The following ACAN variants were observed in gnomAD, a reference collection of about 807,000 sequenced individuals.
ACAN encodes aggrecan core protein.
In ACAN, 47 loss-of-function variants were observed where a neutral mutation model predicts 169.1. The observed-to-expected ratio is 0.28, with a 90% CI of 0.22 to 0.35. ACAN has a LOEUF of 0.35. Among genes scored for constraint, ACAN ranks in the 10% least tolerant of loss-of-function variants. ACAN has a pLI of 1.00. For synonymous variants in ACAN, 1,115 were observed against 1,112.2 expected, an observed-to-expected ratio of 1.00 and a Z score of -0.05; for missense variants, 2,716 against 2,759.9, an observed-to-expected ratio of 0.98 and a Z score of 0.36.
chr15:88,841,955 C>A, intron 5 of ACAN, 88 bp downstream of exon 5: 1 of 1,548,096 alleles, frequency 6.5e-7, no homozygotes, highest in Non-Finnish European at 8.8e-7. Context: ...CCTGAGATCA[C>A]ACAGGCTGCC....
chr15:88,835,025 G>A (rs72765681), intron 1 of ACAN, among the ~76,000 whole-genome samples: 2,640 of 152,284 alleles, frequency 0.017, 46 homozygotes, highest in Non-Finnish European at 0.026. Flanking sequence ...TACAGCAGAT[G>A]ACGATAAGGA....
intron 1 of ACAN, among the ~76,000 whole-genome samples, chr15:88,819,122 G>A (rs901831925): frequency 2.6e-5 from 4 of 152,272 alleles, no homozygotes; most frequent in South Asian, 4.2e-4. Context: ...ACTATAATCC[G>A]GACAGCCTTG....
At chr15:88,817,690 CA>C (rs1567165496) in intron 1 of ACAN, among the ~76,000 whole-genome samples, 1 of 151,382 alleles carries the variant, frequency 6.6e-6, no homozygotes, top group Non-Finnish European at 1.5e-5. Flanking sequence ...CCTGTCTCTA[CA>C]AAAAATACAA....
intron 1 of ACAN, among the ~76,000 whole-genome samples, chr15:88,809,647 C>A (rs1446447965): frequency 2.0e-5 from 3 of 152,250 alleles, no homozygotes; most frequent in Admixed American, 6.5e-5. Context: ...CCATCCTTTG[C>A]AAGATGCAGG....
intron 1 of ACAN, among the ~76,000 whole-genome samples, chr15:88,828,342 T>G (rs967067707): frequency 6.6e-5 from 10 of 152,114 alleles, no homozygotes; most frequent in African/African-American, 2.2e-4. Context: ...GTAACAAGTA[T>G]AACCTGCAGG....
At position 88,861,949 on chromosome 15, in the gene ACAN, T is replaced by G. The variant is rs962432245; in HGVS notation, c.6946+1510T>G. Among the ~76,000 whole-genome samples the G allele has an allele frequency of 2.0e-5, 3 of 152,216 alleles. No homozygotes were observed. The highest frequency in any genetic ancestry group is 4.4e-5 in the Non-Finnish European group (3 of 68,040). On this transcript the variant is annotated intron_variant, in intron 13 of 18. Transcript: ENST00000560601. This position sits in a 1 kb window ranked among gnomAD's most constrained non-coding sequence, Gnocchi z 6.3. ...TTCCCACGATTTCTCCCCAGATGGCTCTGTAAGCAGCTTGGTAACTACCCC... is the reference window on the plus strand; with the variant it reads ...TTCCCACGATTTCTCCCCAGATGGCGCTGTAAGCAGCTTGGTAACTACCCC...
Position 88,849,452 on chromosome 15 carries a change from G to A in ACAN, c.1747G>A (p.Ala583Thr), listed in dbSNP as rs747278710. The change falls in exon 10 of 19, where the codon GCC becomes ACC. Residue 583 changes from alanine to threonine, a missense_variant. Physicochemically the swap from Ala to Thr is moderately conservative, Grantham distance 58. Coordinates refer to ENST00000560601, the MANE Select transcript of ACAN (RefSeq NM_001369268.1). This position sits in a 1 kb window ranked among gnomAD's most constrained non-coding sequence, Gnocchi z 5.1. Reference protein sequence around the residue: ...VDRLEGEVFFATRLEQFTFQE... With the variant: ...VDRLEGEVFFTTRLEQFTFQE... ...TCTGCCCCCAGGGGAGGTGTTCTTC[G>A]CCACACGCCTTGAGCAGTTCACCTT... The A allele has an allele frequency of 1.6e-5, 25 of 1,590,594 alleles. No homozygotes were observed. In the East Asian group the frequency reaches 2.0e-4, roughly 13 times the overall value.
chr15:88,836,064 G>A lies in ACAN; in HGVS notation c.-7-136G>A, dbSNP rs938610. The A allele has an allele frequency of 0.59, 374,228 of 631,010 alleles. 114,815 individuals carry two copies. The highest frequency in any genetic ancestry group is 0.7 in the Middle Eastern group (1,616 of 2,320). 39.1% of individuals were successfully genotyped at this position (631,010 alleles called of 1,614,324 possible). A position where few individuals can be genotyped will look rare whatever the true frequency, so the allele number is the denominator to read the frequency against. ...TTTAAGAAAATATCTCACAAACCAC[G>A]TGCAGCCTCCTTCTCTGGAGATGAT... is the stretch of plus-strand genomic sequence containing the variant. On this transcript the variant is annotated intron_variant, in intron 1 of 18. Transcript: ENST00000560601.
chr15:88,830,893 G>T (rs1436044795), intron 1 of ACAN, among the ~76,000 whole-genome samples: 1 of 152,154 alleles, frequency 6.6e-6, no homozygotes, highest in Admixed American at 6.5e-5. Flanking sequence ...ATCACCAGGT[G>T]ATCACCAGGT....
chr15:88,824,022 G>C (rs1388322469), intron 1 of ACAN, among the ~76,000 whole-genome samples: 1 of 151,978 alleles, frequency 6.6e-6, no homozygotes, highest in African/African-American at 2.4e-5. Flanking sequence ...AGTTATGATC[G>C]GTCTTAAGAT....
chr15:88,859,362 T>G lies in ACAN; in HGVS notation c.6777T>G (p.Asp2259Glu). ...HTVETATSPT[D>E]ASIPASPEWK... ...TCGAAACAGCCACCTCCCCAACAGA[T>G]GCTTCCATCCCAGCTTCTCCGGAAT... The change falls in exon 12 of 19, where the codon GAT becomes GAG. Residue 2259 changes from aspartate to glutamate, a missense_variant. Coordinates refer to ENST00000560601, the MANE Select transcript of ACAN (RefSeq NM_001369268.1). 1 of 1,591,412 alleles carries G rather than the reference T, an allele frequency of 6.3e-7. No homozygotes were observed. Among genetic ancestry groups the G allele is most frequent in the South Asian group, 1.1e-5 (1 of 88,182 alleles).
At chr15:88,811,903 T>TC in intron 1 of ACAN, among the ~76,000 whole-genome samples, 1 of 152,152 alleles carries the variant, frequency 6.6e-6, no homozygotes, top group Admixed American at 6.5e-5. Context: ...AGCCAGGTGC[T>TC]TTGTTCTCCC....
intron 1 of ACAN, among the ~76,000 whole-genome samples, chr15:88,822,643 A>T (rs371158458): frequency 1.6e-3 from 248 of 152,036 alleles, no homozygotes; most frequent in African/African-American, 5.5e-3. Flanking sequence ...CTCCATGTTG[A>T]GGCTAGTCTC....
chr15:88,873,207 C>A lies in ACAN; in HGVS notation c.7447+182C>A, dbSNP rs908704373. 6.6e-6 allele frequency among the ~76,000 whole-genome samples: 1 copy of A among 152,158 alleles called. No homozygotes were observed. The highest frequency in any genetic ancestry group is 1.5e-5 in the Non-Finnish European group (1 of 68,008). ...CCCTCCTAGCACCGGCATCCCAGGG[C>A]CAATGGCAAGGGCAAGCTCGCTGCC... On this transcript the variant is annotated intron_variant, in intron 17 of 18. Transcript: ENST00000560601. This position sits in a 1 kb window ranked among gnomAD's most constrained non-coding sequence, Gnocchi z 7.5.
In ACAN at chr15:88,859,030, G is replaced by A; in HGVS notation, c.6445G>A (p.Val2149Met). 1 of 1,613,978 alleles carries A rather than the reference G, an allele frequency of 6.2e-7. No individual in the cohort carries two copies. ...ANLERSSGLG[V>M]SGSTLTFQEG... is the part of the protein sequence containing the mutation. ...CCTTGAGAGATCCTCTGGCCTAGGAGTGAGCGGCAGCACTTTGACATTTCA... is the reference window on the plus strand; with the variant it reads ...CCTTGAGAGATCCTCTGGCCTAGGAATGAGCGGCAGCACTTTGACATTTCA... Residue 2149 changes from valine to methionine, a missense_variant, in exon 12 of 19, where the codon GTG becomes ATG. Val to Met is a conservative substitution (Grantham distance 21, BLOSUM62 1). Around this residue, in one of 3 missense-constraint regions of ACAN, gnomAD observed 1,389 missense variants for 1,363.7 expected, o/e 1.02. Transcript: ENST00000560601.
chr15:88,823,381 T>G (rs1896126661), intron 1 of ACAN, among the ~76,000 whole-genome samples: 1 of 152,116 alleles, frequency 6.6e-6, no homozygotes, highest in Non-Finnish European at 1.5e-5. Flanking sequence ...AGGAAGGGGC[T>G]GGTCCCTGGT....
chr15:88,811,064 G>A (rs1372263092), intron 1 of ACAN, among the ~76,000 whole-genome samples: 1 of 152,050 alleles, frequency 6.6e-6, no homozygotes, highest in African/African-American at 2.4e-5. Flanking sequence ...CTGAGACAGG[G>A]GCCCTTCCTC....
Position 88,803,784 on chromosome 15 carries a change from T to C in ACAN, c.-33T>C, listed in dbSNP as rs1248484011. ...GCCAGGTGTGTGGGACTGAAGTTCT[T>C]GGAGAAGGGAGTCCAACTCTTCAAG... is the stretch of plus-strand genomic sequence containing the variant. On this transcript the variant is annotated 5_prime_UTR_variant, in exon 1 of 19. Coordinates refer to ENST00000560601, the MANE Select transcript of ACAN (RefSeq NM_001369268.1). The C allele has an allele frequency of 1.3e-5, 2 of 152,134 alleles. No individual in the cohort carries two copies. The highest frequency in any genetic ancestry group is 2.4e-5 in the African/African-American group (1 of 41,440). The allele number at this position is 152,134 out of a possible 1,614,324, so 9.4% of individuals were successfully genotyped here.
intron 1 of ACAN, among the ~76,000 whole-genome samples, chr15:88,819,952 T>A (rs1896033036): frequency 6.6e-6 from 1 of 152,098 alleles, no homozygotes; most frequent in African/African-American, 2.4e-5. Context: ...CGGGTTTGAA[T>A]TCTGGCTCTA....
Sources: gnomAD v4.1 joint callset for allele counts (sites outside exome capture counted in the v4.1 genomes callset) on GRCh38, gnomAD v4.1.1 for gene constraint, gnomAD v4.1.1 regional missense constraint, Gnocchi (gnomAD v3.1) non-coding constraint, MANE v1.5 for transcripts, NCBI Gene and HGNC (gene_info 2026-07-23, HGNC 2026-07-21) for gene names.